LTBP1: variants seen among roughly 807,000 people sequenced by gnomAD.
LTBP1 encodes the protein latent transforming growth factor beta binding protein 1.
In LTBP1, 129 loss-of-function variants were observed where a neutral mutation model predicts 207.6. The observed-to-expected ratio is 0.62, with a 90% CI of 0.54 to 0.72. The LOEUF is 0.72. LTBP1 is among the 30% of genes least tolerant of loss of function. The probability of loss-of-function intolerance (pLI) is 0.00; values close to 1 mark genes in which losing one functional copy is unlikely to be tolerated. For missense variants in LTBP1, 2,281 were observed against 2,217.2 expected (o/e 1.03, Z -0.58); for synonymous variants, 963 against 833.7 (o/e 1.16, Z -2.67).
At position 33,321,778 on chromosome 2, in the gene LTBP1, A is replaced by G. The variant is rs564019109; in HGVS notation, c.3730+6509A>G. 2.0e-4 allele frequency among the ~76,000 whole-genome samples: 31 copies of G among 152,318 alleles called. No individual in the cohort carries two copies. The South Asian group carries it at 6.2e-3, about 31-fold the overall frequency. ...CGGGTCTGAAACTGAAAACTGTACT[A>G]AGAGATGATGATTTTAGTATTTCTT... is the stretch of plus-strand genomic sequence containing the variant. On this transcript the variant is annotated intron_variant, in intron 24 of 33. Coordinates refer to ENST00000404816, the MANE Select transcript of LTBP1 (RefSeq NM_206943.4).
At chr2:33,197,177 T>C (rs1336506204) in intron 7 of LTBP1, among the ~76,000 whole-genome samples, 1 of 152,218 alleles carries the variant, frequency 6.6e-6, no homozygotes. Context: ...AAATCTCCTA[T>C]ATTCAAAGAA....
At chr2:32,959,599 A>ATATATATATG (rs1553344628) in intron 2 of LTBP1, among the ~76,000 whole-genome samples, 7 of 52,500 alleles carry the variant, frequency 1.3e-4, no homozygotes, top group African/African-American at 3.2e-4. Context: ...ATGTACGTGT[A>ATATATATATG]TATATATATA....
intron 25 of LTBP1, among the ~76,000 whole-genome samples, chr2:33,346,140 A>G (rs1364436465): frequency 1.3e-5 from 2 of 152,234 alleles, no homozygotes; most frequent in Admixed American, 1.3e-4. Context: ...AAAAGGTGTC[A>G]TGAGATCAGT....
At chr2:33,152,813 A>G (rs1215152535) in intron 5 of LTBP1, among the ~76,000 whole-genome samples, 2 of 152,172 alleles carry the variant, frequency 1.3e-5, no homozygotes, top group African/African-American at 4.8e-5. Flanking sequence ...TTTCAAGAAA[A>G]ACCTGGGATT....
At chr2:33,023,598 GAA>G (rs749823537) in intron 3 of LTBP1, among the ~76,000 whole-genome samples, 10 of 152,180 alleles carry the variant, frequency 6.6e-5, no homozygotes, top group Non-Finnish European at 1.2e-4. Flanking sequence ...TAAGTAAAGA[GAA>G]GAGATGAGAA....
At chr2:33,099,723 C>A (rs975809021) in intron 3 of LTBP1, among the ~76,000 whole-genome samples, 5 of 152,286 alleles carry the variant, frequency 3.3e-5, no homozygotes, top group African/African-American at 9.6e-5. Context: ...CCATGTGCCA[C>A]GTGGATGCCT....
At chr2:33,178,433 C>T (rs945386007) in intron 5 of LTBP1, among the ~76,000 whole-genome samples, 1 of 152,198 alleles carries the variant, frequency 6.6e-6, no homozygotes, top group African/African-American at 2.4e-5. Context: ...ATGGCCTCAT[C>T]TCATCTGGTG....
At chr2:33,226,844 A>T (rs184721531) in intron 9 of LTBP1, among the ~76,000 whole-genome samples, 1 of 152,114 alleles carries the variant, frequency 6.6e-6, no homozygotes, top group East Asian at 1.9e-4. Flanking sequence ...TTTGATTAGC[A>T]GGGTCATGAT....
Position 33,280,093 on chromosome 2 carries a change from C to T in LTBP1, c.3047C>T (p.Ser1016Phe), listed in dbSNP as rs773338168. 14 of 1,614,122 alleles carry T rather than the reference C, an allele frequency of 8.7e-6. No homozygotes were observed. The highest frequency in any genetic ancestry group is 1.0e-5 in the Non-Finnish European group (12 of 1,179,976). Residue 1016 changes from serine (S) to phenylalanine (F), a missense_variant, in exon 19 of 34, where the codon TCT becomes TTT. By Grantham distance (155) the Ser-to-Phe change is radical. This residue lies in a region of LTBP1 where 1,671 missense variants were observed against 1,634.8 expected (regional missense o/e 1.02). Transcript: ENST00000404816. ...STCPDEQCVNSPGSYQCVPCT... is the reference protein window; with the variant it reads ...STCPDEQCVNFPGSYQCVPCT... ...TGTCCAGATGAGCAGTGTGTGAATT[C>T]TCCTGGATCTTACCAGTGCGTTCCC... is the stretch of plus-strand genomic sequence containing the variant.
chr2:33,279,953 CT>C (rs2093524849), intron 18 of LTBP1, 85 bp from the exon 19 acceptor site: 2 of 1,435,470 alleles, frequency 1.4e-6, no homozygotes, highest in Non-Finnish European at 1.9e-6. Context: ...ATATAACATG[CT>C]TTCCCCCGCT....
intron 5 of LTBP1, among the ~76,000 whole-genome samples, chr2:33,145,043 A>T (rs1414170775): frequency 6.6e-6 from 1 of 152,228 alleles, no homozygotes; most frequent in African/African-American, 2.4e-5. Context: ...TTTATATCAT[A>T]AAGAAAGAAA....
chr2:33,050,756 C>G (rs967700308), intron 3 of LTBP1, among the ~76,000 whole-genome samples: 1 of 148,138 alleles, frequency 6.8e-6, no homozygotes, highest in African/African-American at 2.5e-5. Context: ...TTTTTTGAGA[C>G]CGAGTCTCGC....
At chr2:33,393,231 CTTCTTT>C (rs1283291635) in intron 32 of LTBP1, among the ~76,000 whole-genome samples, 378 of 78,220 alleles carry the variant, frequency 4.8e-3, no homozygotes, top group African/African-American at 0.014. Context: ...TTTCCTTCTT[CTTCTTT>C]TTTTTTTTTT....
chr2:33,264,595 G>A (rs530956067), intron 15 of LTBP1, among the ~76,000 whole-genome samples: 124 of 152,258 alleles, frequency 8.1e-4, no homozygotes, highest in African/African-American at 2.8e-3. Context: ...CAGATAATTT[G>A]TAGGAAAAAA....
At chr2:33,078,359 A>G (rs2078196371) in intron 3 of LTBP1, among the ~76,000 whole-genome samples, 4 of 152,224 alleles carry the variant, frequency 2.6e-5, no homozygotes, top group Non-Finnish European at 4.4e-5. Flanking sequence ...GCACAGGCCC[A>G]CAGTGCCAAC....
chr2:33,029,049 T>C (rs1476287475), intron 3 of LTBP1, among the ~76,000 whole-genome samples: 1 of 152,240 alleles, frequency 6.6e-6, no homozygotes, highest in Non-Finnish European at 1.5e-5. Flanking sequence ...TCAGACAAAC[T>C]TTAATTATTT....
At chr2:33,132,720 A>G (rs948055461) in intron 4 of LTBP1, among the ~76,000 whole-genome samples, 3 of 152,160 alleles carry the variant, frequency 2.0e-5, no homozygotes, top group Non-Finnish European at 4.4e-5. Flanking sequence ...TGAAGGAGAA[A>G]CTGTCCTGGA....
chr2:33,297,685 A>C (rs1413719843), intron 20 of LTBP1, among the ~76,000 whole-genome samples: 2 of 152,074 alleles, frequency 1.3e-5, no homozygotes. Flanking sequence ...CGGCCTCCCA[A>C]AGTGCTGGTA....
At chr2:32,948,759 CT>C in intron 1 of LTBP1, 115 bp from the exon 2 acceptor site, 1 of 967,924 alleles carries the variant, frequency 1.0e-6, no homozygotes, top group Non-Finnish European at 1.7e-6. Context: ...AGGACTCTCT[CT>C]CATCCAGAGG....
Sources: allele counts gnomAD v4.1 joint callset (sites outside exome capture counted in the v4.1 genomes callset), GRCh38; gene constraint gnomAD v4.1.1; regional missense constraint gnomAD v4.1.1; transcripts MANE v1.5; gene names NCBI Gene and HGNC (gene_info 2026-07-23, HGNC 2026-07-21).